GPC3: variants seen among roughly 807,000 people sequenced by gnomAD.
GPC3 encodes glypican 3, also known as glypican-3.
In GPC3, 3 loss-of-function variants were observed where a neutral mutation model predicts 34.4. The observed-to-expected ratio is 0.09, with a 90% CI of 0.04 to 0.23. GPC3 has a LOEUF of 0.23. GPC3 is among the 10% of genes least tolerant of loss of function. The pLI is 1.00. For synonymous variants in GPC3, 177 were observed against 174.0 expected, an observed-to-expected ratio of 1.02 and a Z score of -0.13; for missense variants, 351 against 445.6, an observed-to-expected ratio of 0.79 and a Z score of 1.91.
intron 2 of GPC3, among the ~76,000 whole-genome samples, chrX:133,851,123 T>G (rs984246514): frequency 9.0e-6 from 1 of 110,934 alleles, no homozygotes; most frequent in African/African-American, 3.3e-5. Flanking sequence ...AAACAAATAA[T>G]AATAATAAAC....
chrX:133,585,626 G>A (rs983306768), intron 7 of GPC3, among the ~76,000 whole-genome samples: 5 of 111,166 alleles, frequency 4.5e-5, no homozygotes, highest in African/African-American at 9.8e-5. Flanking sequence ...CAGATCCCTC[G>A]GGGATGTTAT....
intron 2 of GPC3, among the ~76,000 whole-genome samples, chrX:133,935,406 T>G (rs1569456674): frequency 1.8e-5 from 2 of 111,598 alleles, no homozygotes; most frequent in Admixed American, 9.5e-5. Context: ...CTACTTGGAC[T>G]GACACAGAAA....
At chrX:133,762,798 G>T (rs1301572792) in intron 2 of GPC3, 5 of 480,215 alleles carry the variant, frequency 1.0e-5, no homozygotes, top group African/African-American at 4.7e-5. Flanking sequence ...CTTTCACAAC[G>T]TCCGGAGCCC....
At chrX:133,647,541 C>T (rs1171563634) in intron 6 of GPC3, among the ~76,000 whole-genome samples, 1 of 112,525 alleles carries the variant, frequency 8.9e-6, no homozygotes, top group Non-Finnish European at 1.9e-5. Flanking sequence ...AGTGAAACAG[C>T]ACCAGCTATA....
intron 2 of GPC3, among the ~76,000 whole-genome samples, chrX:133,897,038 C>G (rs1328254944): frequency 9.3e-6 from 1 of 107,670 alleles, no homozygotes; most frequent in East Asian, 2.9e-4. Flanking sequence ...TCCCAAGTAG[C>G]TGGGACTACA....
chrX:133,736,874 A>G (rs2071515483), intron 3 of GPC3, among the ~76,000 whole-genome samples: 1 of 112,285 alleles, frequency 8.9e-6, no homozygotes, highest in African/African-American at 3.2e-5. Flanking sequence ...AGTTGAATTG[A>G]TGAATTGTAT....
At chrX:133,767,041 C>T (rs1054467099) in intron 2 of GPC3, among the ~76,000 whole-genome samples, 7 of 112,131 alleles carry the variant, frequency 6.2e-5, no homozygotes, top group Admixed American at 3.8e-4. Context: ...AGTAGAACAG[C>T]CAAGATTTGA....
chrX:133,593,508 G>A (rs943597749), intron 7 of GPC3, among the ~76,000 whole-genome samples: 3 of 109,223 alleles, frequency 2.7e-5, no homozygotes, highest in Non-Finnish European at 5.7e-5. Context: ...AAGCCAGAAG[G>A]GTAGTTGAGG....
At chrX:133,970,458 G>A (rs760355987) in intron 1 of GPC3, among the ~76,000 whole-genome samples, 1 of 109,864 alleles carries the variant, frequency 9.1e-6, no homozygotes, top group East Asian at 2.8e-4. Flanking sequence ...GTCTTTATCC[G>A]TAATATTTTC....
chrX:133,783,308 G>A (rs1415045431), intron 2 of GPC3, among the ~76,000 whole-genome samples: 3 of 111,934 alleles, frequency 2.7e-5, no homozygotes, highest in African/African-American at 9.7e-5. Context: ...GCTTTTTGAG[G>A]TTCTTTAAGA....
At chrX:133,801,922 T>G (rs2075611958) in intron 2 of GPC3, among the ~76,000 whole-genome samples, 1 of 112,183 alleles carries the variant, frequency 8.9e-6, no homozygotes, top group Non-Finnish European at 1.9e-5. Flanking sequence ...CACATGCACA[T>G]GTGTATGTGT....
At chrX:133,737,091 C>T (rs1383299020) in intron 3 of GPC3, among the ~76,000 whole-genome samples, 1 of 112,035 alleles carries the variant, frequency 8.9e-6, no homozygotes, top group African/African-American at 3.2e-5. Context: ...AAGCATATTA[C>T]TAAGTGAAAG....
At chrX:133,746,334 C>T (rs773843094) in intron 3 of GPC3, among the ~76,000 whole-genome samples, 1 of 112,184 alleles carries the variant, frequency 8.9e-6, no homozygotes, top group Non-Finnish European at 1.9e-5. Context: ...AACATATAAG[C>T]AACTGGCGAT....
intron 7 of GPC3, among the ~76,000 whole-genome samples, chrX:133,554,544 CCCCTGGTCACCTGCTCCATCCTGACTCA>C (rs1377431889): frequency 9.0e-6 from 1 of 110,843 alleles, no homozygotes; most frequent in Non-Finnish European, 1.9e-5. Context: ...CACATCTGTT[CCCCTGGTCACCTGCTCCATCCTGACTCA>C]CCCTGGTCAC....
rs762466011 is a variant in GPC3 at position 133,961,221 on chromosome X, T to A, written c.176-8010A>T. On this transcript the variant is annotated intron_variant, in intron 1 of 7. Coordinates refer to ENST00000370818, the MANE Select transcript of GPC3 (RefSeq NM_004484.4). ...AACATGACTTTGCAGAGGGCGCACC[T>A]GGGTATCAGGAGCTCAGACTTTAAA... is the stretch of plus-strand genomic sequence containing the variant. Among the ~76,000 whole-genome samples, 12 of 111,334 alleles carry A rather than the reference T, an allele frequency of 1.1e-4. No homozygotes were observed. The East Asian group carries it at 3.1e-3, about 29-fold the overall frequency.
chrX:133,623,713 G>A (rs78145664), intron 6 of GPC3, among the ~76,000 whole-genome samples: 3 of 111,499 alleles, frequency 2.7e-5, no homozygotes, highest in African/African-American at 9.8e-5. Context: ...AATAATGGGA[G>A]ACTTTAACAC....
chrX:133,620,891 C>T (rs1429171130), intron 6 of GPC3, among the ~76,000 whole-genome samples: 5 of 111,290 alleles, frequency 4.5e-5, no homozygotes, highest in South Asian at 3.8e-4. Context: ...CCTACCTTTC[C>T]GGACCAAACC....
At chrX:133,657,583 G>A (rs2070675539) in intron 6 of GPC3, among the ~76,000 whole-genome samples, 1 of 111,421 alleles carries the variant, frequency 9.0e-6, no homozygotes, top group African/African-American at 3.3e-5. Flanking sequence ...TCTGATCGTG[G>A]GAATGTTACA....
intron 4 of GPC3, among the ~76,000 whole-genome samples, chrX:133,697,738 G>A (rs2071130074): frequency 8.9e-6 from 1 of 112,417 alleles, no homozygotes; most frequent in African/African-American, 3.2e-5. Context: ...CCTATTTAGG[G>A]CAGAATGACT....
Sources: allele counts gnomAD v4.1 joint callset (sites outside exome capture counted in the v4.1 genomes callset), GRCh38; gene constraint gnomAD v4.1.1; transcripts MANE v1.5; gene names NCBI Gene and HGNC (gene_info 2026-07-23, HGNC 2026-07-21).